Variants in ST8SIA2 observed in about 807,000 individuals in gnomAD.
ST8SIA2 encodes alpha-2,8-sialyltransferase 8B.
ST8SIA2 carries 22 observed loss-of-function variants against 37.6 expected under a neutral mutation model. The observed-to-expected ratio is 0.58, with a 90% CI of 0.42 to 0.83. The LOEUF (loss-of-function observed/expected upper bound fraction) is 0.83, where lower values mean the gene tolerates loss of function less well. Ranked by LOEUF, ST8SIA2 falls within the 40% of genes least tolerant of loss-of-function variation. The pLI, the probability that ST8SIA2 is intolerant of heterozygous loss-of-function variation, is 0.00. For missense variants in ST8SIA2, 382 were observed against 484.7 expected, an observed-to-expected ratio of 0.79 and a Z score of 1.99; for synonymous variants, 205 against 201.2, an observed-to-expected ratio of 1.02 and a Z score of -0.16.
At chr15:92,442,770 A>C (rs777138648) in intron 4 of ST8SIA2, among the ~76,000 whole-genome samples, 6 of 152,240 alleles carry the variant, frequency 3.9e-5, no homozygotes, top group Non-Finnish European at 7.3e-5. Context: ...ATGTTTAGCC[A>C]CAGTCAAAGA....
chr15:92,448,578 G>C (rs978597461), intron 5 of ST8SIA2, among the ~76,000 whole-genome samples: 3 of 152,218 alleles, frequency 2.0e-5, no homozygotes, highest in African/African-American at 7.2e-5. Context: ...CTCCGTGACT[G>C]GCTTGGTTGT....
chr15:92,429,047 C>A (rs770994089), intron 1 of ST8SIA2, among the ~76,000 whole-genome samples: 2 of 152,136 alleles, frequency 1.3e-5, no homozygotes, highest in African/African-American at 4.8e-5. Context: ...TAACTCCCCC[C>A]GCAGTGTTCT....
At chr15:92,405,353 A>G (rs2049500246) in intron 1 of ST8SIA2, among the ~76,000 whole-genome samples, 1 of 152,252 alleles carries the variant, frequency 6.6e-6, no homozygotes. Flanking sequence ...TTTAATGGGT[A>G]TAAAGTTTCA....
At chr15:92,394,217 T>C in intron 1 of ST8SIA2, 55 bp downstream of exon 1, 4 of 1,407,284 alleles carry the variant, frequency 2.8e-6, no homozygotes, top group Non-Finnish European at 3.9e-6. Flanking sequence ...CTCTCCCTCC[T>C]TCTGTACTCT....
chr15:92,395,111 C>T (rs1166290042), intron 1 of ST8SIA2, among the ~76,000 whole-genome samples: 3 of 152,150 alleles, frequency 2.0e-5, no homozygotes, highest in Non-Finnish European at 4.4e-5. Flanking sequence ...GGCCCCTCTC[C>T]GGAACCTCCA....
At chr15:92,434,699 G>A (rs1451697210) in intron 3 of ST8SIA2, among the ~76,000 whole-genome samples, 4 of 152,202 alleles carry the variant, frequency 2.6e-5, no homozygotes, top group Non-Finnish European at 4.4e-5. Flanking sequence ...CTTCTTCCCA[G>A]GCATAAAGAG....
In ST8SIA2 at chr15:92,466,265, G is replaced by A. The variant is rs1311008350; in HGVS notation, c.*1880G>A. ...AAGCAACAGCCCTAATAGCCTCTGT[G>A]GGAACTGAGTGGTTTCGGACTCCTC... On this transcript the variant is annotated 3_prime_UTR_variant, in exon 6 of 6. Coordinates refer to ENST00000268164, the MANE Select transcript of ST8SIA2 (RefSeq NM_006011.4). The A allele has an allele frequency of 6.6e-6, 1 of 152,186 alleles. No individual in the cohort carries two copies. Among genetic ancestry groups the A allele is most frequent in the Non-Finnish European group, 1.5e-5 (1 of 68,032 alleles). The allele number at this position is 152,186 out of a possible 1,614,324, so 9.4% of individuals were successfully genotyped here.
rs543754556 is a variant in ST8SIA2 at position 92,465,558 on chromosome 15, A to T, written c.*1173A>T. ...TGCACTCTGCGGGGCCTTTGCAGCC[A>T]GACTGCTGTGTCAATGTTACTTTCT... On this transcript the variant is annotated 3_prime_UTR_variant, in exon 6 of 6. Transcript: ENST00000268164. 6.6e-6 allele frequency: 1 copy of T among 152,332 alleles called. No individual in the cohort carries two copies. Among genetic ancestry groups the T allele is most frequent in the East Asian group, 1.9e-4 (1 of 5,184 alleles). 9.4% of individuals were successfully genotyped at this position (152,332 alleles called of 1,614,324 possible).
chr15:92,434,172 A>T (rs562672878), intron 2 of ST8SIA2, 75 bp from the exon 3 acceptor site: 1 of 1,605,560 alleles, frequency 6.2e-7, no homozygotes, highest in South Asian at 1.1e-5. Flanking sequence ...GCCCGTGCAA[A>T]AACAAAACTA....
rs567762865 is a variant in ST8SIA2, at chr15:92,441,919, C to T, written c.549-2717C>T. On this transcript the variant is annotated intron_variant, in intron 4 of 5. Transcript: ENST00000268164. ...TGGCCTCCAGAGCCTGCCCAAGCTG[C>T]CTCTCTCACCCTGCAGAGTACTCTT... 6.8e-4 allele frequency among the ~76,000 whole-genome samples: 104 copies of T among 152,248 alleles called. 1 individual carries two copies. Among genetic ancestry groups the T allele is most frequent in the African/African-American group, 2.3e-3 (97 of 41,550 alleles).
In ST8SIA2 at chr15:92,396,598, A is replaced by T. The variant is rs980487109; in HGVS notation, c.98+2436A>T. 4.2e-4 allele frequency among the ~76,000 whole-genome samples: 64 copies of T among 151,914 alleles called. 2 individuals are homozygous for T. Among genetic ancestry groups the T allele is most frequent in the African/African-American group, 1.4e-3 (58 of 41,412 alleles). Reference sequence around the variant, plus strand: ...AACCTCCGCCTCCCGGGTTCAAGCAATTCTCCTGTTTCAGCCTCCCGAGTA... The same window carrying T: ...AACCTCCGCCTCCCGGGTTCAAGCATTTCTCCTGTTTCAGCCTCCCGAGTA... On this transcript the variant is annotated intron_variant, in intron 1 of 5. Coordinates refer to ENST00000268164, the MANE Select transcript of ST8SIA2 (RefSeq NM_006011.4).
At position 92,468,544 on chromosome 15, in the gene ST8SIA2, A is replaced by C. The variant is rs2050009051; in HGVS notation, c.*4159A>C. ...GTAGCACTTTATTTGTACCTTTCTC[A>C]TGGCACTTACCATATTCTGCCTTGT... is the stretch of plus-strand genomic sequence containing the variant. On this transcript the variant is annotated 3_prime_UTR_variant, in exon 6 of 6. Transcript: ENST00000268164. 1 of 152,616 alleles carries C rather than the reference A, an allele frequency of 6.6e-6. No homozygotes were observed. The highest frequency in any genetic ancestry group is 2.4e-5 in the African/African-American group (1 of 41,422). 9.5% of individuals were successfully genotyped at this position (152,616 alleles called of 1,614,324 possible). A position where few individuals can be genotyped will look rare whatever the true frequency, so the allele number is the denominator to read the frequency against.
chr15:92,415,972 A>T (rs184173064), intron 1 of ST8SIA2, among the ~76,000 whole-genome samples: 28 of 152,310 alleles, frequency 1.8e-4, no homozygotes, highest in African/African-American at 6.7e-4. Flanking sequence ...TCTCTGTGCC[A>T]TGCTAAGGGA....
intron 1 of ST8SIA2, among the ~76,000 whole-genome samples, chr15:92,423,247 C>A (rs1217229896): frequency 6.6e-6 from 1 of 152,160 alleles, no homozygotes; most frequent in East Asian, 1.9e-4. Flanking sequence ...TTTAACACCA[C>A]CCAACTGTAC....
chr15:92,412,036 C>T (rs1053045572), intron 1 of ST8SIA2, among the ~76,000 whole-genome samples: 3 of 152,038 alleles, frequency 2.0e-5, no homozygotes, highest in Non-Finnish European at 2.9e-5. Context: ...ACGAGGGCCT[C>T]AGGCCAGGTT....
chr15:92,431,063 C>G (rs1208734624), intron 2 of ST8SIA2, among the ~76,000 whole-genome samples: 1 of 152,194 alleles, frequency 6.6e-6, no homozygotes, highest in Non-Finnish European at 1.5e-5. Context: ...CTAATGACCT[C>G]TTAGCCACCT....
chr15:92,426,385 T>C (rs1055726611), intron 1 of ST8SIA2, among the ~76,000 whole-genome samples: 10 of 152,140 alleles, frequency 6.6e-5, no homozygotes, highest in Non-Finnish European at 1.5e-5. Context: ...ACTCCTCTTC[T>C]GAGAGGCACC....
chr15:92,416,741 C>A (rs2141816787), intron 1 of ST8SIA2, among the ~76,000 whole-genome samples: 1 of 152,234 alleles, frequency 6.6e-6, no homozygotes, highest in African/African-American at 2.4e-5. Flanking sequence ...TGTGGGCAGG[C>A]CTTGCCCACC....
At chr15:92,408,423 C>T (rs532564375) in intron 1 of ST8SIA2, among the ~76,000 whole-genome samples, 4 of 152,102 alleles carry the variant, frequency 2.6e-5, no homozygotes, top group South Asian at 2.1e-4. Flanking sequence ...ATGTGTGCCC[C>T]GTTGTACTTC....
Sources: allele counts gnomAD v4.1 joint callset (sites outside exome capture counted in the v4.1 genomes callset), GRCh38; gene constraint gnomAD v4.1.1; transcripts MANE v1.5; gene names NCBI Gene and HGNC (gene_info 2026-07-23, HGNC 2026-07-21).